Variants in SUCLA2 observed in about 807,000 individuals in gnomAD.
SUCLA2 encodes succinate-CoA ligase ADP-forming subunit beta.
Under a neutral mutation model 54.8 loss-of-function variants are expected in SUCLA2, and 30 were observed. That is an observed-to-expected ratio of 0.55 (90% CI 0.41 to 0.74). The LOEUF (loss-of-function observed/expected upper bound fraction) is 0.74, where lower values mean the gene tolerates loss of function less well. Among genes scored for constraint, SUCLA2 ranks in the 30% least tolerant of loss-of-function variants. The pLI, the probability that SUCLA2 is intolerant of heterozygous loss-of-function variation, is 0.00. For missense variants in SUCLA2, 476 were observed against 562.9 expected (o/e 0.85, Z 1.56); for synonymous variants, 172 against 188.9 (o/e 0.91, Z 0.74).
chr13:47,950,661 TA>T (rs983927180), intron 8 of SUCLA2, among the ~76,000 whole-genome samples: 2 of 152,122 alleles, frequency 1.3e-5, no homozygotes, highest in Admixed American at 1.3e-4. Flanking sequence ...CTCTCTTTTT[TA>T]AAAAAAAGAG....
chr13:47,989,360 G>A lies in SUCLA2; in HGVS notation c.272-379C>T, dbSNP rs7985307. 9.4e-3 allele frequency among the ~76,000 whole-genome samples: 1,434 copies of A among 152,018 alleles called. 23 individuals carry two copies. Among genetic ancestry groups the A allele is most frequent in the African/African-American group, 0.032 (1,344 of 41,450 alleles). Reference sequence around the variant, plus strand: ...CGAGTAGCTGGGACTACAGGCGCCCGCCACCATGCCTGGCTAATTTTTTTG... The same window carrying A: ...CGAGTAGCTGGGACTACAGGCGCCCACCACCATGCCTGGCTAATTTTTTTG... On this transcript the variant is annotated intron_variant, in intron 2 of 10. Coordinates refer to ENST00000646932, the MANE Select transcript of SUCLA2 (RefSeq NM_003850.3).
chr13:47,971,643 T>C (rs1566087110), intron 5 of SUCLA2: 3 of 358,450 alleles, frequency 8.4e-6, no homozygotes, highest in Admixed American at 4.7e-5. Context: ...TGTGAACACA[T>C]ACAAATTGAA....
chr13:47,963,038 A>G lies in SUCLA2; in HGVS notation c.802+5557T>C, dbSNP rs1949884025. ...CATTGTTACGTTTCTTCCCTGCCAT[A>G]TAAACCCCTGGTTTTAGTCAGTCAG... On this transcript the variant is annotated intron_variant, in intron 6 of 10. Transcript: ENST00000646932. Among the ~76,000 whole-genome samples, 3 of 115,312 alleles carry G rather than the reference A, an allele frequency of 2.6e-5. No homozygotes were observed. In the South Asian group the frequency reaches 8.5e-4, roughly 33 times the overall value. 75.6% of individuals were successfully genotyped at this position (115,312 alleles called of 152,430 possible).
intron 6 of SUCLA2, among the ~76,000 whole-genome samples, chr13:47,962,951 ACT>A (rs1333090040): frequency 6.6e-6 from 1 of 152,006 alleles, no homozygotes; most frequent in Non-Finnish European, 1.5e-5. Flanking sequence ...AGACAATGAG[ACT>A]CTTACCACGT....
chr13:47,967,488 T>C (rs1375678886), intron 6 of SUCLA2, among the ~76,000 whole-genome samples: 1 of 152,006 alleles, frequency 6.6e-6, no homozygotes, highest in African/African-American at 2.4e-5. Context: ...ACAGAACACA[T>C]TGAGGATGAA....
At chr13:47,999,416 G>A (rs1334797532) in intron 1 of SUCLA2, among the ~76,000 whole-genome samples, 1 of 152,164 alleles carries the variant, frequency 6.6e-6, no homozygotes, top group Non-Finnish European at 1.5e-5. Context: ...TTAAACAAAT[G>A]TTTAAAACAG....
chr13:48,000,243 A>G (rs1175413230), intron 1 of SUCLA2, among the ~76,000 whole-genome samples: 1 of 152,128 alleles, frequency 6.6e-6, no homozygotes, highest in African/African-American at 2.4e-5. Context: ...GAATTGACTT[A>G]GGACACCAAT....
At chr13:47,984,365 T>C (rs1350251723) in intron 4 of SUCLA2, among the ~76,000 whole-genome samples, 1 of 65,084 alleles carries the variant, frequency 1.5e-5, no homozygotes, top group Non-Finnish European at 4.5e-5. Flanking sequence ...AGCTAATTTT[T>C]TGTTTTTTTT....
At chr13:47,971,098 A>G (rs1308801072) in intron 5 of SUCLA2, among the ~76,000 whole-genome samples, 1 of 151,954 alleles carries the variant, frequency 6.6e-6, no homozygotes, top group Admixed American at 6.6e-5. Context: ...TCGAAGTCCA[A>G]TATTCAAATT....
At chr13:47,993,809 G>A (rs1034383635) in intron 2 of SUCLA2, among the ~76,000 whole-genome samples, 1 of 152,192 alleles carries the variant, frequency 6.6e-6, no homozygotes, top group Admixed American at 6.5e-5. Context: ...GGTGAGGCAG[G>A]TGGATCACCT....
In SUCLA2 at chr13:47,988,555, C is replaced by G. The variant is rs751953767; in HGVS notation, c.520G>C (p.Glu174Gln). The part of the protein sequence containing the change: ...RREYYFAITM[E>Q]RSFQGPVLIG... ...CAATTACTCACTTGAAATGACCTTTCCATTGTTATTGCAAAGTAGTATTCT... is the reference window on the plus strand; with the variant it reads ...CAATTACTCACTTGAAATGACCTTTGCATTGTTATTGCAAAGTAGTATTCT... The change falls in exon 4 of 11, where the codon GAA (glutamate) becomes CAA (glutamine). Residue 174 changes from glutamate to glutamine, a missense_variant. Physicochemically the swap from Glu to Gln is conservative, Grantham distance 29. Transcript: ENST00000646932. 1.2e-6 allele frequency: 2 copies of G among 1,613,698 alleles called. No homozygotes were observed. Among genetic ancestry groups the G allele is most frequent in the Non-Finnish European group, 1.7e-6 (2 of 1,179,922 alleles).
intron 6 of SUCLA2, among the ~76,000 whole-genome samples, chr13:47,964,620 G>A (rs1202552131): frequency 6.6e-6 from 1 of 152,202 alleles, no homozygotes; most frequent in Non-Finnish European, 1.5e-5. Context: ...CACTTTGGGA[G>A]GCCAAGGCGG....
At chr13:47,989,063 G>A in intron 2 of SUCLA2, 82 bp from the exon 3 acceptor site, 1 of 1,304,778 alleles carries the variant, frequency 7.7e-7, no homozygotes, top group East Asian at 2.3e-5. Flanking sequence ...CATACATATT[G>A]ACAGGTGTTA....
At chr13:47,973,829 T>A (rs1367038569) in intron 4 of SUCLA2, among the ~76,000 whole-genome samples, 1 of 151,976 alleles carries the variant, frequency 6.6e-6, no homozygotes, top group Non-Finnish European at 1.5e-5. Flanking sequence ...CTCAACAAAC[T>A]AACACAGGAA....
rs149108442 is a variant in SUCLA2, at chr13:47,996,859, T to C, written c.255A>G (p.Ala85=). 9.7e-5 allele frequency: 156 copies of C among 1,613,478 alleles called. No homozygotes were observed. The African/African-American group carries it at 1.6e-3, about 17-fold the overall frequency. Residue 85 remains alanine, a synonymous_variant, in exon 2 of 11, where the codon GCA becomes GCG. Transcript: ENST00000646932. Reference sequence around the variant, plus strand: ...ATTTAGTACCTAATTTTTTGGCAATTGCATAAGCTTCATCTGGTGACTTTG... The same window carrying C: ...ATTTAGTACCTAATTTTTTGGCAATCGCATAAGCTTCATCTGGTGACTTTG... ...YVAKSPDEAY[A]IAKKLGSKDV... is the part of the protein sequence containing the mutation.
chr13:47,950,182 T>C (rs1161896698), intron 8 of SUCLA2, among the ~76,000 whole-genome samples: 1 of 152,176 alleles, frequency 6.6e-6, no homozygotes, highest in African/African-American at 2.4e-5. Flanking sequence ...CTCATAAAGA[T>C]GTTTACCTAA....
chr13:47,968,568 C>T (rs1246171349), intron 6 of SUCLA2, 27 bp downstream of exon 6: 1 of 1,610,358 alleles, frequency 6.2e-7, no homozygotes, highest in Admixed American at 1.7e-5. Context: ...AATGCATAAT[C>T]ATGTTAGACA....
chr13:47,973,720 G>C (rs996079840), intron 4 of SUCLA2, among the ~76,000 whole-genome samples: 1 of 152,154 alleles, frequency 6.6e-6, no homozygotes, highest in African/African-American at 2.4e-5. Context: ...ACTGGATAAA[G>C]AAAATGCGGC....
At chr13:47,962,602 A>G (rs1260692589) in intron 6 of SUCLA2, among the ~76,000 whole-genome samples, 2 of 152,104 alleles carry the variant, frequency 1.3e-5, no homozygotes, top group African/African-American at 2.4e-5. Flanking sequence ...CCAGAGAGAG[A>G]AATATTATGT....
Sources: allele counts gnomAD v4.1 joint callset (sites outside exome capture counted in the v4.1 genomes callset), GRCh38; gene constraint gnomAD v4.1.1; transcripts MANE v1.5; gene names NCBI Gene and HGNC (gene_info 2026-07-23, HGNC 2026-07-21).